The following CACNA2D4 variants were observed in gnomAD, a reference collection of about 807,000 sequenced individuals.
The protein encoded by CACNA2D4 is voltage-dependent calcium channel subunit alpha-2/delta-4.
CACNA2D4 carries 157 observed loss-of-function variants against 163.8 expected under a neutral mutation model. That is an observed-to-expected ratio of 0.96 (90% CI 0.84 to 1.09). The LOEUF (loss-of-function observed/expected upper bound fraction) is 1.09, where lower values mean the gene tolerates loss of function less well. Ranked by LOEUF, CACNA2D4 falls within the 50% of genes least tolerant of loss-of-function variation. The probability of loss-of-function intolerance (pLI) is 0.00; values close to 1 mark genes in which losing one functional copy is unlikely to be tolerated. For synonymous variants in CACNA2D4, 598 were observed against 586.9 expected, an observed-to-expected ratio of 1.02 and a Z score of -0.27; for missense variants, 1,410 against 1,479.9, an observed-to-expected ratio of 0.95 and a Z score of 0.78.
At chr12:1,823,794 C>G (rs1023136337) in intron 26 of CACNA2D4, among the ~76,000 whole-genome samples, 1 of 152,200 alleles carries the variant, frequency 6.6e-6, no homozygotes, top group Non-Finnish European at 1.5e-5. Context: ...AAAACAGCTG[C>G]CTTCTCAGCT....
Position 1,885,963 on chromosome 12 carries a change from A to G in CACNA2D4, c.1068+2T>C, listed in dbSNP as rs757526211. On this transcript the variant is annotated splice_donor_variant, in intron 9 of 37. Transcript: ENST00000382722. LOFTEE classifies it high-confidence loss of function. ...AAGTCTCAGGCCACCGTGGACACTC[A>G]CCTCTCGATTGTCTCGGTCCGCCTG... 1.9e-5 allele frequency: 30 copies of G among 1,609,378 alleles called. No homozygotes were observed. The highest frequency in any genetic ancestry group is 2.5e-5 in the Non-Finnish European group (30 of 1,176,630).
chr12:1,855,205 TC>T (rs1413457860), intron 22 of CACNA2D4, among the ~76,000 whole-genome samples: 7 of 152,202 alleles, frequency 4.6e-5, no homozygotes, highest in Non-Finnish European at 1.0e-4. Context: ...AAGGGCCTTG[TC>T]TGGGTTATCT....
In CACNA2D4 at chr12:1,858,569, C is replaced by T. The variant is rs1419416273; in HGVS notation, c.2008+8G>A. ...TTAACTGTCCCTCAGCCCCTGGTAC[C>T]GACCCACCTTCTTCCACAGACGTGT... On this transcript the variant is annotated splice_region_variant and intron_variant, in intron 20 of 37. Transcript: ENST00000382722. 9.9e-6 allele frequency: 16 copies of T among 1,613,164 alleles called. No individual in the cohort carries two copies. The highest frequency in any genetic ancestry group is 2.7e-5 in the African/African-American group (2 of 74,898).
In CACNA2D4 at chr12:1,864,097, C is replaced by T. The variant is rs148426239; in HGVS notation, c.1879-3891G>A. ...GCTCATCTTTAAAAGGCGGCCAGGC[C>T]CGTTTATCTTTGGAGTTCTTCTGTC... On this transcript the variant is annotated intron_variant, in intron 18 of 37. Transcript: ENST00000382722. Among the ~76,000 whole-genome samples the T allele has an allele frequency of 3.6e-3, 545 of 152,280 alleles. 2 individuals carry two copies. Among genetic ancestry groups the T allele is most frequent in the African/African-American group, 0.013 (531 of 41,568 alleles).
rs1464352414 is a variant in CACNA2D4 at position 1,842,085 on chromosome 12, GAA to G, written c.2471-1268_2471-1267del. Among the ~76,000 whole-genome samples the G allele has an allele frequency of 4.6e-5, 7 of 152,324 alleles. No homozygotes were observed. In the South Asian group the frequency reaches 1.2e-3, roughly 27 times the overall value. ...TACCCCAGCCAGCAGAGGCTTGTAG[GAA>G]ACGCAGATGTGAGCATGTGGAGACC... On this transcript the variant is annotated intron_variant, in intron 25 of 37. Coordinates refer to ENST00000382722, the MANE Select transcript of CACNA2D4 (RefSeq NM_172364.5).
rs1278467654 is a variant in CACNA2D4 at position 1,878,944 on chromosome 12, AC to A, written c.1644+11del. 3.7e-6 allele frequency: 6 copies of A among 1,612,024 alleles called. No individual in the cohort carries two copies. The African/African-American group carries it at 4.0e-5, about 11-fold the overall frequency. On this transcript the variant is annotated intron_variant, in intron 15 of 37. Coordinates refer to ENST00000382722, the MANE Select transcript of CACNA2D4 (RefSeq NM_172364.5). This position sits in a 1 kb window ranked among gnomAD's most constrained non-coding sequence, Gnocchi z 4.6. Reference sequence around the variant, plus strand: ...AACCTGTGATCCCCACAGGGAACAGACCCAGGCTCACCTTGTACCGGGGCGC... The same window carrying A: ...AACCTGTGATCCCCACAGGGAACAGACCAGGCTCACCTTGTACCGGGGCGC...
At chr12:1,859,356 CA>C (rs917641077) in intron 19 of CACNA2D4, among the ~76,000 whole-genome samples, 21 of 151,744 alleles carry the variant, frequency 1.4e-4, no homozygotes, top group African/African-American at 5.1e-4. Flanking sequence ...GATCCTGTCT[CA>C]AAAAAAACTG....
intron 26 of CACNA2D4, among the ~76,000 whole-genome samples, chr12:1,831,776 C>T (rs1197440609): frequency 1.9e-4 from 23 of 123,704 alleles, no homozygotes; most frequent in African/African-American, 6.8e-4. Flanking sequence ...TGCTCTGCAT[C>T]CCCTCCCCCA....
rs75339170 is a variant in CACNA2D4 at position 1,869,742 on chromosome 12, A to G, written c.1878+4862T>C. On this transcript the variant is annotated intron_variant, in intron 18 of 37. Coordinates refer to ENST00000382722, the MANE Select transcript of CACNA2D4 (RefSeq NM_172364.5). The surrounding 1 kb of genome is among the most constrained non-coding windows in gnomAD (Gnocchi z 4.7). ...TCCCTACGATAAAATCCTACATTCT[A>G]TCACTCCCAGGGGCTCTGTTCTTTG... Among the ~76,000 whole-genome samples the G allele has an allele frequency of 0.047, 7,124 of 152,182 alleles. 425 individuals carry two copies. Among genetic ancestry groups the G allele is most frequent in the African/African-American group, 0.14 (5,640 of 41,494 alleles).
intron 26 of CACNA2D4, among the ~76,000 whole-genome samples, chr12:1,824,679 C>T (rs186627898): frequency 2.0e-5 from 3 of 152,370 alleles, no homozygotes; most frequent in East Asian, 3.9e-4. Context: ...CAGCAGCTGT[C>T]AGTGCCTGCT....
Position 1,801,640 on chromosome 12 carries a change from C to T in CACNA2D4, c.2726G>A (p.Gly909Glu). ...ILISKRSRET[G>E]RFLGEVDGAV... ...ACCATCCACCTCCCCCAGAAATCTT[C>T]CCGTCTGTGAGAGAGGGACAGCAGA... Residue 909 changes from glycine (G) to glutamate (E), a missense_variant, in exon 30 of 38, where the codon GGA becomes GAA. Physicochemically the swap from Gly to Glu is moderately conservative, Grantham distance 98. Coordinates refer to ENST00000382722, the MANE Select transcript of CACNA2D4 (RefSeq NM_172364.5). 1 of 1,583,370 alleles carries T rather than the reference C, an allele frequency of 6.3e-7. No homozygotes were observed. The highest frequency in any genetic ancestry group is 8.6e-7 in the Non-Finnish European group (1 of 1,163,584).
At chr12:1,847,827 G>A (rs759973450) in intron 23 of CACNA2D4, among the ~76,000 whole-genome samples, 43 of 151,362 alleles carry the variant, frequency 2.8e-4, no homozygotes, top group Non-Finnish European at 5.4e-4. Flanking sequence ...ATATTTCATG[G>A]GTAAATATTT....
In CACNA2D4 at chr12:1,866,852, C is replaced by T. The variant is rs571657546; in HGVS notation, c.1879-6646G>A. ...CTCCCTATGTTGTCCAGGCTGGTCA[C>T]GAACTCCTGGGCTCAAGTGATCCTC... On this transcript the variant is annotated intron_variant, in intron 18 of 37. Coordinates refer to ENST00000382722, the MANE Select transcript of CACNA2D4 (RefSeq NM_172364.5). Among the ~76,000 whole-genome samples, 219 of 150,628 alleles carry T rather than the reference C, an allele frequency of 1.5e-3. 1 individual carries two copies. Among genetic ancestry groups the T allele is most frequent in the Middle Eastern group, 3.4e-3 (1 of 290 alleles).
chr12:1,840,654 T>C, intron 26 of CACNA2D4, 85 bp downstream of exon 26: 1 of 1,125,360 alleles, frequency 8.9e-7, no homozygotes, highest in Non-Finnish European at 1.3e-6. Context: ...TGGCCACATG[T>C]GCAGGGCCTT....
chr12:1,797,839 GGCCCC>G (rs1863182314), intron 34 of CACNA2D4, among the ~76,000 whole-genome samples: 2 of 152,180 alleles, frequency 1.3e-5, no homozygotes, highest in African/African-American at 4.8e-5. Context: ...CCATCTCCAG[GGCCCC>G]TTCCAGCACT....
chr12:1,848,605 A>G (rs1865205355), intron 23 of CACNA2D4, among the ~76,000 whole-genome samples: 1 of 152,186 alleles, frequency 6.6e-6, no homozygotes, highest in Non-Finnish European at 1.5e-5. Context: ...TTTATAGAAG[A>G]GGCAGGATAA....
At chr12:1,859,252 G>A (rs992433357) in intron 19 of CACNA2D4, among the ~76,000 whole-genome samples, 2 of 152,036 alleles carry the variant, frequency 1.3e-5, no homozygotes, top group Admixed American at 6.6e-5. Flanking sequence ...CCAGGTACTC[G>A]GGAGGCTGAG....
At position 1,912,760 on chromosome 12, in the gene CACNA2D4, CG is replaced by C. The variant is rs1487252148; in HGVS notation, c.426+262del. On this transcript the variant is annotated intron_variant, in intron 3 of 37. Transcript: ENST00000382722. Reference sequence around the variant, plus strand: ...TTCCTCACAATGCTGCAGGCTGACCCGGCAGTGCTGGGCATGGCCGCCTCGG... The same window carrying C: ...TTCCTCACAATGCTGCAGGCTGACCCGCAGTGCTGGGCATGGCCGCCTCGG... Among the ~76,000 whole-genome samples the C allele has an allele frequency of 9.2e-5, 14 of 152,350 alleles. No individual in the cohort carries two copies. The South Asian group carries it at 1.7e-3, about 18-fold the overall frequency.
chr12:1,793,698 A>G lies in CACNA2D4; in HGVS notation c.3371T>C (p.Leu1124Pro). 6 of 1,613,798 alleles carry G rather than the reference A, an allele frequency of 3.7e-6. No homozygotes were observed. Among genetic ancestry groups the G allele is most frequent in the Non-Finnish European group, 5.1e-6 (6 of 1,179,904 alleles). ...DTSASPPLLL[L>P]PVCAWGLLPQ... ...CAGTAGCCCCCAGGCACACACAGGC[A>G]GCAGGAGTAGGGGCGGCGAGGCTGA... is the stretch of plus-strand genomic sequence containing the variant. The change falls in exon 38 of 38, where the codon CTG becomes CCG. Residue 1124 changes from leucine (L) to proline (P), a missense_variant. Physicochemically the swap from Leu to Pro is moderately conservative, Grantham distance 98. Coordinates refer to ENST00000382722, the MANE Select transcript of CACNA2D4 (RefSeq NM_172364.5).
Sources: allele counts gnomAD v4.1 joint callset (sites outside exome capture counted in the v4.1 genomes callset), GRCh38; gene constraint gnomAD v4.1.1; non-coding constraint Gnocchi (gnomAD v3.1); transcripts MANE v1.5; gene names NCBI Gene and HGNC (gene_info 2026-07-23, HGNC 2026-07-21).